The following SFMBT2 variants were observed in gnomAD, a reference collection of about 807,000 sequenced individuals.
SFMBT2 encodes scm-like with four MBT domains protein 2.
SFMBT2 carries 38 observed loss-of-function variants against 110.1 expected under a neutral mutation model. The ratio of observed to expected loss-of-function variants is 0.35; its 90% CI spans 0.27 to 0.45. The LOEUF is 0.45. SFMBT2 is among the 20% of genes least tolerant of loss of function. The probability of loss-of-function intolerance (pLI) is 1.00; values close to 1 mark genes in which losing one functional copy is unlikely to be tolerated. For synonymous variants in SFMBT2, 425 were observed against 425.4 expected (o/e 1.00, Z 0.01); for missense variants, 1,011 against 1,094.9 (o/e 0.92, Z 1.08).
rs144257646 is a variant in SFMBT2, at chr10:7,241,237, C to A, written c.1120+2321G>T. ...ACTGTAAGTCCATTAAACCCCTTCT[C>A]CTATATAAATTACCCAGTCTCAGGT... On this transcript the variant is annotated intron_variant, in intron 9 of 20. Coordinates refer to ENST00000397167, the MANE Select transcript of SFMBT2 (RefSeq NM_001387889.1). The A allele has an allele frequency of 3.1e-5, 22 of 709,184 alleles. No individual in the cohort carries two copies. The East Asian group carries it at 1.9e-3, about 60-fold the overall frequency. 43.9% of individuals were successfully genotyped at this position (709,184 alleles called of 1,614,324 possible).
intron 14 of SFMBT2, chr10:7,198,127 TATATG>T (rs1838836994): frequency 2.0e-6 from 2 of 985,408 alleles, no homozygotes; most frequent in South Asian, 4.7e-5. Context: ...CTACAAACAA[TATATG>T]ATATATTAAA....
chr10:7,242,348 G>A (rs1016071195), intron 9 of SFMBT2, among the ~76,000 whole-genome samples: 19 of 152,152 alleles, frequency 1.2e-4, no homozygotes, highest in Non-Finnish European at 1.6e-4. Flanking sequence ...GCCTCCTGGA[G>A]TCCTCACCGC....
intron 4 of SFMBT2, among the ~76,000 whole-genome samples, chr10:7,366,243 A>G (rs774863759): frequency 2.6e-5 from 4 of 152,138 alleles, no homozygotes; most frequent in Non-Finnish European, 5.9e-5. Context: ...CTTTGGAGAC[A>G]ATAAAGGGTC....
chr10:7,331,140 G>T (rs985495403), intron 4 of SFMBT2, among the ~76,000 whole-genome samples: 7 of 152,218 alleles, frequency 4.6e-5, no homozygotes, highest in African/African-American at 1.7e-4. Flanking sequence ...GCCTACCAAG[G>T]CTTCATTATA....
intron 4 of SFMBT2, among the ~76,000 whole-genome samples, chr10:7,312,024 C>T (rs1457186525): frequency 6.6e-6 from 1 of 151,758 alleles, no homozygotes; most frequent in Non-Finnish European, 1.5e-5. Flanking sequence ...GGGAATTGAA[C>T]AATGAGAACG....
chr10:7,227,043 T>C (rs567886944), intron 10 of SFMBT2, among the ~76,000 whole-genome samples: 127 of 152,186 alleles, frequency 8.3e-4, no homozygotes, highest in Non-Finnish European at 1.3e-3. Context: ...AGTACACGCA[T>C]GTGCACACAC....
chr10:7,350,873 T>C lies in SFMBT2; in HGVS notation c.436+16776A>G, dbSNP rs1167722395. Among the ~76,000 whole-genome samples, 4 of 152,340 alleles carry C rather than the reference T, an allele frequency of 2.6e-5. No individual in the cohort carries two copies. The East Asian group carries it at 7.7e-4, about 29-fold the overall frequency. ...AGGATTGAGTGCCATAAATCAATTA[T>C]TCTGCTTTACTATGCAATGGCTGGC... On this transcript the variant is annotated intron_variant, in intron 4 of 20. Coordinates refer to ENST00000397167, the MANE Select transcript of SFMBT2 (RefSeq NM_001387889.1).
intron 7 of SFMBT2, among the ~76,000 whole-genome samples, chr10:7,266,260 T>G (rs1841387720): frequency 6.6e-6 from 1 of 152,048 alleles, no homozygotes; most frequent in Admixed American, 6.5e-5. Context: ...CAGATAATTT[T>G]TGTATTTTTA....
chr10:7,240,474 A>C (rs1361017401), intron 9 of SFMBT2, among the ~76,000 whole-genome samples: 1 of 152,218 alleles, frequency 6.6e-6, no homozygotes, highest in Admixed American at 6.5e-5. Context: ...TGCAAAAAAA[A>C]CAAACTTTTA....
chr10:7,194,653 G>A lies in SFMBT2; in HGVS notation c.1698+2895C>T, dbSNP rs113739330. On this transcript the variant is annotated intron_variant, in intron 15 of 20. Coordinates refer to ENST00000397167, the MANE Select transcript of SFMBT2 (RefSeq NM_001387889.1). The stretch of plus-strand genomic sequence containing the variant: ...CTGGTACTGAAAGAGGAGCATTAGC[G>A]TAAATATTAGCTTGGTGGCACTTAC... Among the ~76,000 whole-genome samples the A allele has an allele frequency of 2.8e-3, 428 of 152,316 alleles. 2 individuals carry two copies. The highest frequency in any genetic ancestry group is 9.7e-3 in the African/African-American group (404 of 41,570).
chr10:7,398,199 C>A (rs1421756279), intron 1 of SFMBT2, among the ~76,000 whole-genome samples: 1 of 152,196 alleles, frequency 6.6e-6, no homozygotes. Flanking sequence ...CCTATTCACA[C>A]AATAACATTC....
chr10:7,329,381 AG>A, intron 4 of SFMBT2: 3 of 944,594 alleles, frequency 3.2e-6, no homozygotes, highest in Non-Finnish European at 3.8e-6. Flanking sequence ...ACTGGCGTCC[AG>A]TCCTCAGCAG....
chr10:7,180,741 G>A (rs578167229), intron 16 of SFMBT2, among the ~76,000 whole-genome samples: 47 of 151,910 alleles, frequency 3.1e-4, no homozygotes, highest in Admixed American at 8.0e-4. Flanking sequence ...AGGGACGCAG[G>A]GGGGAGGCCG....
At position 7,172,888 on chromosome 10, in the gene SFMBT2, C is replaced by T. The variant is rs111620598; in HGVS notation, c.1985-227G>A. ...CCGTCCCCAGTGTTGAAGCCCAAAC[C>T]CCCAAAGTGAGTGTATCTGGATGTC... On this transcript the variant is annotated intron_variant, in intron 17 of 20. Transcript: ENST00000397167. This position sits in a 1 kb window ranked among gnomAD's most constrained non-coding sequence, Gnocchi z 4.6. Among the ~76,000 whole-genome samples, 9 of 152,222 alleles carry T rather than the reference C, an allele frequency of 5.9e-5. No individual in the cohort carries two copies. Among genetic ancestry groups the T allele is most frequent in the African/African-American group, 2.2e-4 (9 of 41,528 alleles).
At chr10:7,178,208 T>C (rs1838136109) in intron 16 of SFMBT2, among the ~76,000 whole-genome samples, 1 of 151,916 alleles carries the variant, frequency 6.6e-6, no homozygotes, top group Non-Finnish European at 1.5e-5. Context: ...CTCCTGACCA[T>C]GGCTGCTGCC....
At chr10:7,208,613 G>A (rs1226598064) in intron 11 of SFMBT2, among the ~76,000 whole-genome samples, 1 of 151,686 alleles carries the variant, frequency 6.6e-6, no homozygotes, top group Non-Finnish European at 1.5e-5. Flanking sequence ...TTGAACTTGG[G>A]AGGTGGAGGT....
At chr10:7,226,420 C>T (rs963861811) in intron 10 of SFMBT2, among the ~76,000 whole-genome samples, 8 of 152,268 alleles carry the variant, frequency 5.3e-5, no homozygotes, top group African/African-American at 1.7e-4. Flanking sequence ...ACCCCTTTCT[C>T]GCTTCGTTTT....
chr10:7,220,178 C>G (rs1839678275), intron 11 of SFMBT2, among the ~76,000 whole-genome samples: 1 of 152,190 alleles, frequency 6.6e-6, no homozygotes, highest in Non-Finnish European at 1.5e-5. Context: ...GTGTTCCAAA[C>G]ATAATTATCT....
Position 7,291,729 on chromosome 10 carries a change from G to A in SFMBT2, c.437-5775C>T, listed in dbSNP as rs558756857. 1.1e-4 allele frequency among the ~76,000 whole-genome samples: 16 copies of A among 152,310 alleles called. No homozygotes were observed. The South Asian group carries it at 2.3e-3, about 22-fold the overall frequency. ...GGAGTAATTCCCCTTCTAAGAAGCC[G>A]CCTTCCAAACTAGCAACAGGGGTTC... On this transcript the variant is annotated intron_variant, in intron 4 of 20. Transcript: ENST00000397167.
Sources: allele counts gnomAD v4.1 joint callset (sites outside exome capture counted in the v4.1 genomes callset), GRCh38; gene constraint gnomAD v4.1.1; non-coding constraint Gnocchi (gnomAD v3.1); transcripts MANE v1.5; gene names NCBI Gene and HGNC (gene_info 2026-07-23, HGNC 2026-07-21).